GRM5: variants seen among roughly 807,000 people sequenced by gnomAD.
The protein encoded by GRM5 is glutamate metabotropic receptor 5.
In GRM5, 19 loss-of-function variants were observed where a neutral mutation model predicts 83.1. That is an observed-to-expected ratio of 0.23 (90% CI 0.16 to 0.34). The LOEUF (loss-of-function observed/expected upper bound fraction) is 0.34. Among genes scored for constraint, GRM5 ranks in the 10% least tolerant of loss-of-function variants. The pLI is 1.00. For synonymous variants in GRM5, 675 were observed against 633.6 expected (o/e 1.07, Z -0.98); for missense variants, 1,160 against 1,588.3 (o/e 0.73, Z 4.58).
intron 3 of GRM5, among the ~76,000 whole-genome samples, chr11:88,839,597 T>C (rs923840833): frequency 2.6e-5 from 4 of 152,182 alleles, no homozygotes; most frequent in African/African-American, 9.6e-5. Flanking sequence ...ACTTAAACTA[T>C]TTTTCATGAT....
chr11:88,575,993 T>C (rs188994752), intron 7 of GRM5, among the ~76,000 whole-genome samples: 274 of 152,264 alleles, frequency 1.8e-3, no homozygotes, highest in Admixed American at 3.0e-3. Context: ...ACATAAAGAA[T>C]GATTTAATAG....
intron 3 of GRM5, among the ~76,000 whole-genome samples, chr11:88,835,726 G>T (rs1319933051): frequency 6.6e-6 from 1 of 152,132 alleles, no homozygotes; most frequent in South Asian, 2.1e-4. Context: ...CAAATGAGAG[G>T]TGTAAAAATA....
At chr11:88,882,100 G>A (rs1312370807) in intron 2 of GRM5, among the ~76,000 whole-genome samples, 2 of 151,900 alleles carry the variant, frequency 1.3e-5, no homozygotes, top group Non-Finnish European at 1.5e-5. Flanking sequence ...AATTAGCTGG[G>A]TGGGGTAGCA....
At chr11:89,028,906 T>G (rs999215794) in intron 2 of GRM5, among the ~76,000 whole-genome samples, 1 of 152,136 alleles carries the variant, frequency 6.6e-6, no homozygotes, top group Non-Finnish European at 1.5e-5. Context: ...TCATCTACAT[T>G]AGGTATTTTT....
At chr11:88,736,283 A>T (rs987361144) in intron 3 of GRM5, among the ~76,000 whole-genome samples, 1 of 152,094 alleles carries the variant, frequency 6.6e-6, no homozygotes, top group East Asian at 1.9e-4. Context: ...TTATTTTTGG[A>T]TACAGAAACT....
intron 3 of GRM5, among the ~76,000 whole-genome samples, chr11:88,703,697 TTTC>T (rs1941089446): frequency 1.3e-5 from 2 of 152,060 alleles, no homozygotes; most frequent in African/African-American, 4.8e-5. Context: ...AATTGTGTGG[TTTC>T]TCACATCCTG....
chr11:88,570,982 T>C (rs943266888), intron 7 of GRM5, among the ~76,000 whole-genome samples: 2 of 152,124 alleles, frequency 1.3e-5, no homozygotes, highest in Non-Finnish European at 2.9e-5. Flanking sequence ...CTAACGTCCA[T>C]AGCAATTTAC....
intron 2 of GRM5, among the ~76,000 whole-genome samples, chr11:88,954,234 C>T (rs1782411532): frequency 1.3e-5 from 2 of 152,230 alleles, no homozygotes; most frequent in Middle Eastern, 3.4e-3. Flanking sequence ...CAAAACTGTT[C>T]CACCTAAGAT....
At chr11:88,884,439 T>C (rs571181945) in intron 2 of GRM5, among the ~76,000 whole-genome samples, 1 of 152,272 alleles carries the variant, frequency 6.6e-6, no homozygotes, top group African/African-American at 2.4e-5. Flanking sequence ...TACAGGCTCA[T>C]AGGAGGAAGG....
chr11:88,592,995 T>G (rs1015872649), intron 6 of GRM5, among the ~76,000 whole-genome samples: 1 of 152,128 alleles, frequency 6.6e-6, no homozygotes, highest in Non-Finnish European at 1.5e-5. Context: ...GTTCCTTATT[T>G]TTTTTGAAGA....
chr11:88,930,913 A>G (rs909595099), intron 2 of GRM5, among the ~76,000 whole-genome samples: 1 of 147,398 alleles, frequency 6.8e-6, no homozygotes, highest in Non-Finnish European at 1.5e-5. Context: ...AACCATTTCA[A>G]TTCTAGATGA....
chr11:88,866,465 T>A (rs1394737175), intron 2 of GRM5, among the ~76,000 whole-genome samples: 1 of 151,938 alleles, frequency 6.6e-6, no homozygotes, highest in Non-Finnish European at 1.5e-5. Context: ...GACAGGTTGA[T>A]GGTTGCAGCA....
At chr11:88,904,554 G>A (rs990253711) in intron 2 of GRM5, among the ~76,000 whole-genome samples, 12 of 152,060 alleles carry the variant, frequency 7.9e-5, no homozygotes, top group African/African-American at 2.9e-4. Context: ...TTAAACACTG[G>A]AAATAGCTTT....
intron 2 of GRM5, among the ~76,000 whole-genome samples, chr11:89,013,317 C>G (rs1022433192): frequency 6.6e-6 from 1 of 152,136 alleles, no homozygotes; most frequent in African/African-American, 2.4e-5. Flanking sequence ...CAAATGTCCA[C>G]AAATAATCTT....
At chr11:88,933,453 T>A (rs1339720827) in intron 2 of GRM5, among the ~76,000 whole-genome samples, 2 of 151,806 alleles carry the variant, frequency 1.3e-5, no homozygotes, top group African/African-American at 4.8e-5. Context: ...TTAAAAGCAA[T>A]CTCAACTGCT....
Position 88,747,641 on chromosome 11 carries a change from T to C in GRM5, c.912-94238A>G, listed in dbSNP as rs964977877. Among the ~76,000 whole-genome samples the C allele has an allele frequency of 5.3e-5, 8 of 151,666 alleles. No individual in the cohort carries two copies. The East Asian group carries it at 1.6e-3, about 29-fold the overall frequency. On this transcript the variant is annotated intron_variant, in intron 3 of 9. Transcript: ENST00000305447. ...TAAGAAAAATTCACTAGAATATACATACTTTACTTCTCAGATTTTGTGGTA... is the reference window on the plus strand; with the variant it reads ...TAAGAAAAATTCACTAGAATATACACACTTTACTTCTCAGATTTTGTGGTA...
chr11:88,598,196 T>C (rs1055871043), intron 5 of GRM5, among the ~76,000 whole-genome samples: 3 of 152,128 alleles, frequency 2.0e-5, no homozygotes, highest in Non-Finnish European at 4.4e-5. Context: ...TCAGGACTTA[T>C]AGTACTGACA....
At chr11:88,936,476 C>G (rs1423980783) in intron 2 of GRM5, among the ~76,000 whole-genome samples, 2 of 151,478 alleles carry the variant, frequency 1.3e-5, no homozygotes, top group Non-Finnish European at 2.9e-5. Flanking sequence ...CTCATACTTT[C>G]TTCTGTTTAC....
At chr11:88,669,254 A>G (rs1352706138) in intron 3 of GRM5, among the ~76,000 whole-genome samples, 3 of 152,306 alleles carry the variant, frequency 2.0e-5, no homozygotes, top group South Asian at 2.1e-4. Flanking sequence ...AATGCCGTCA[A>G]TAAATTAAAG....
Sources: allele counts gnomAD v4.1 joint callset (sites outside exome capture counted in the v4.1 genomes callset), GRCh38; gene constraint gnomAD v4.1.1; transcripts MANE v1.5; gene names NCBI Gene and HGNC (gene_info 2026-07-23, HGNC 2026-07-21).